The following UNC5A variants were observed in gnomAD, a reference collection of about 807,000 sequenced individuals.
UNC5A encodes the protein unc-5 netrin receptor A.
In UNC5A, 20 loss-of-function variants were observed where a neutral mutation model predicts 87.4. The ratio of observed to expected loss-of-function variants is 0.23; its 90% CI spans 0.16 to 0.33. The LOEUF (loss-of-function observed/expected upper bound fraction) is 0.33. Among genes scored for constraint, UNC5A ranks in the 10% least tolerant of loss-of-function variants. UNC5A has a pLI of 1.00. For synonymous variants in UNC5A, 438 were observed against 482.3 expected (o/e 0.91, Z 1.20); for missense variants, 844 against 1,133.4 (o/e 0.74, Z 3.67).
rs1756803263 is a variant in UNC5A, at chr5:176,824,406, G to A, written c.70+13586G>A. ...CCACAAACTTCCCGCTTTAACGCCC[G>A]TGTGAGTTGGGTTTCTGTGTCCTGC... On this transcript the variant is annotated intron_variant, in intron 1 of 14. Coordinates refer to ENST00000329542, the MANE Select transcript of UNC5A (RefSeq NM_133369.3). The surrounding 1 kb of genome is among the most constrained non-coding windows in gnomAD (Gnocchi z 4.2). Among the ~76,000 whole-genome samples, 5 of 152,076 alleles carry A rather than the reference G, an allele frequency of 3.3e-5. No individual in the cohort carries two copies. The highest frequency in any genetic ancestry group is 9.7e-5 in the African/African-American group (4 of 41,404).
At chr5:176,855,774 A>T (rs1204261948) in intron 1 of UNC5A, among the ~76,000 whole-genome samples, 1 of 152,160 alleles carries the variant, frequency 6.6e-6, no homozygotes, top group Non-Finnish European at 1.5e-5. Context: ...GCAAACCTCC[A>T]TGGGGAGGCT....
intron 1 of UNC5A, among the ~76,000 whole-genome samples, chr5:176,834,019 T>C (rs1324768317): frequency 2.0e-5 from 3 of 152,170 alleles, no homozygotes; most frequent in African/African-American, 7.2e-5. Flanking sequence ...ACACAGCCTC[T>C]TATTCTCTCA....
At chr5:176,833,963 C>T (rs1268776783) in intron 1 of UNC5A, among the ~76,000 whole-genome samples, 1 of 152,026 alleles carries the variant, frequency 6.6e-6, no homozygotes, top group Non-Finnish European at 1.5e-5. Context: ...CTCGGCCTCC[C>T]AAAGTGCTGG....
intron 1 of UNC5A, among the ~76,000 whole-genome samples, chr5:176,852,027 C>A (rs1193928182): frequency 1.3e-5 from 2 of 152,226 alleles, no homozygotes; most frequent in Non-Finnish European, 2.9e-5. Flanking sequence ...ACCCTACCCA[C>A]CTGCCTGCCT....
chr5:176,859,830 T>C (rs1757789750), intron 1 of UNC5A, among the ~76,000 whole-genome samples: 1 of 151,202 alleles, frequency 6.6e-6, no homozygotes, highest in African/African-American at 2.4e-5. Flanking sequence ...TGCTAGAATG[T>C]CCTTGCTAGA....
In UNC5A at chr5:176,824,538, G is replaced by A. The variant is rs1404718908; in HGVS notation, c.70+13718G>A. On this transcript the variant is annotated intron_variant, in intron 1 of 14. Coordinates refer to ENST00000329542, the MANE Select transcript of UNC5A (RefSeq NM_133369.3). This position sits in a 1 kb window ranked among gnomAD's most constrained non-coding sequence, Gnocchi z 4.2. ...AGCAGGCAGGGCATTTAGCCCCCACGCGGCAGATAGAACATTCTAAAAAAA... is the reference window on the plus strand; with the variant it reads ...AGCAGGCAGGGCATTTAGCCCCCACACGGCAGATAGAACATTCTAAAAAAA... Among the ~76,000 whole-genome samples, 3 of 151,714 alleles carry A rather than the reference G, an allele frequency of 2.0e-5. No homozygotes were observed. The highest frequency in any genetic ancestry group is 3.4e-3 in the Middle Eastern group (1 of 292).
In UNC5A at chr5:176,824,183, C is replaced by T. The variant is rs536707031; in HGVS notation, c.70+13363C>T. On this transcript the variant is annotated intron_variant, in intron 1 of 14. Transcript: ENST00000329542. The surrounding 1 kb of genome is among the most constrained non-coding windows in gnomAD (Gnocchi z 4.2). ...GTTGGAGGCAGCAATGATGCAGGTT[C>T]CGACACTGGCCCAGGACTATTTCCC... Among the ~76,000 whole-genome samples, 5 of 152,220 alleles carry T rather than the reference C, an allele frequency of 3.3e-5. 2 individuals are homozygous for T. The South Asian group carries it at 1.0e-3, about 31-fold the overall frequency.
intron 1 of UNC5A, among the ~76,000 whole-genome samples, chr5:176,847,744 G>A (rs958590759): frequency 3.9e-5 from 6 of 152,116 alleles, no homozygotes; most frequent in African/African-American, 1.4e-4. Context: ...AAATATTCAT[G>A]CAATTATTAG....
rs1757469408 is a variant in UNC5A at position 176,848,560 on chromosome 5, T to C, written c.71-14064T>C. ...GTAATTAAAACGGGGTGAGGGCTCA[T>C]TCCTGTCTCATCAGGGGTGTGATGG... On this transcript the variant is annotated intron_variant, in intron 1 of 14. Coordinates refer to ENST00000329542, the MANE Select transcript of UNC5A (RefSeq NM_133369.3). The surrounding 1 kb of genome is among the most constrained non-coding windows in gnomAD (Gnocchi z 5.8). Among the ~76,000 whole-genome samples, 1 of 152,200 alleles carries C rather than the reference T, an allele frequency of 6.6e-6. No individual in the cohort carries two copies. Among genetic ancestry groups the C allele is most frequent in the African/African-American group, 2.4e-5 (1 of 41,444 alleles).
chr5:176,846,533 C>T (rs1462889476), intron 1 of UNC5A, among the ~76,000 whole-genome samples: 4 of 152,162 alleles, frequency 2.6e-5, no homozygotes, highest in Admixed American at 2.6e-4. Context: ...ACATCTCCTC[C>T]AGGAAGCCCT....
intron 2 of UNC5A, among the ~76,000 whole-genome samples, chr5:176,864,371 C>T (rs904297600): frequency 1.3e-5 from 2 of 152,150 alleles, no homozygotes; most frequent in African/African-American, 2.4e-5. Flanking sequence ...GAGCGGGCTG[C>T]GGTCGCACTT....
At chr5:176,864,830 G>T in intron 2 of UNC5A, 1 of 456,098 alleles carries the variant, frequency 2.2e-6, no homozygotes, top group South Asian at 1.5e-5. Context: ...AGATAGAGAG[G>T]GTTGGCGGCC....
intron 1 of UNC5A, among the ~76,000 whole-genome samples, chr5:176,830,893 C>G (rs531578006): frequency 2.9e-5 from 1 of 34,040 alleles, no homozygotes; most frequent in East Asian, 1.3e-3. Context: ...GGTGTATGTG[C>G]TGGCGTGTGT....
rs1184277637 is a variant in UNC5A at position 176,878,592 on chromosome 5, G to A, written c.2137G>A (p.Val713Met). The A allele has an allele frequency of 6.2e-7, 1 of 1,612,878 alleles. No homozygotes were observed. The highest frequency in any genetic ancestry group is 1.7e-5 in the Admixed American group (1 of 60,020). The change falls in exon 13 of 15, where the codon GTG becomes ATG. Residue 713 changes from valine (V) to methionine (M), a missense_variant. Val to Met is a conservative substitution (Grantham distance 21). Coordinates refer to ENST00000329542, the MANE Select transcript of UNC5A (RefSeq NM_133369.3). ...DLACKLWVWQ[V>M]EGDGQSFSIN... ...GGCCTGCAAGCTGTGGGTGTGGCAG[G>A]TGGAGGGCGACGGGCAGAGCTTCAG...
At position 176,862,755 on chromosome 5, in the gene UNC5A, G is replaced by A. The variant is rs755629307; in HGVS notation, c.202G>A (p.Val68Met). The A allele has an allele frequency of 2.0e-5, 32 of 1,613,400 alleles. 1 individual carries two copies. Among genetic ancestry groups the A allele is most frequent in the South Asian group, 1.9e-4 (17 of 91,076 alleles). ...GCCAGTGCTGCTTGTGTGCAAGGCC[G>A]TGCCCGCCACGCAGATCTTCTTCAA... ...NKPVLLVCKA[V>M]PATQIFFKCN... Residue 68 changes from valine to methionine, a missense_variant, in exon 2 of 15, where the codon GTG becomes ATG. By Grantham distance (21) the Val-to-Met change is conservative. Coordinates refer to ENST00000329542, the MANE Select transcript of UNC5A (RefSeq NM_133369.3).
Position 176,824,772 on chromosome 5 carries a change from A to AC in UNC5A, c.70+13957dup, listed in dbSNP as rs1267770473. 1.6e-5 allele frequency among the ~76,000 whole-genome samples: 1 copy of AC among 61,302 alleles called. No homozygotes were observed. Among genetic ancestry groups the AC allele is most frequent in the African/African-American group, 6.6e-5 (1 of 15,086 alleles). The allele number at this position is 61,302 out of a possible 152,430, so 40.2% of individuals were successfully genotyped here. On this transcript the variant is annotated intron_variant, in intron 1 of 14. Transcript: ENST00000329542. This position sits in a 1 kb window ranked among gnomAD's most constrained non-coding sequence, Gnocchi z 4.2. ...TGCCTGTGCACTCCCTGCCCTGTGC[A>AC]CCCCCACCACCTGTGTGCCCCCTGC... is the stretch of plus-strand genomic sequence containing the variant.
intron 1 of UNC5A, among the ~76,000 whole-genome samples, chr5:176,823,947 G>A (rs1224652924): frequency 1.3e-5 from 2 of 152,110 alleles, no homozygotes; most frequent in Non-Finnish European, 1.5e-5. Context: ...CTCCTTTGGC[G>A]ACCTCCCGCC....
rs1757966511 is a variant in UNC5A at position 176,865,993 on chromosome 5, T to C, written c.293-2137T>C. On this transcript the variant is annotated intron_variant, in intron 2 of 14. Coordinates refer to ENST00000329542, the MANE Select transcript of UNC5A (RefSeq NM_133369.3). The surrounding 1 kb of genome is among the most constrained non-coding windows in gnomAD (Gnocchi z 5.3). ...TTGTGTTAAACAAACTGATTGGTTA[T>C]TAGATTGTTTAGAAGCAGATTGCTG... is the stretch of plus-strand genomic sequence containing the variant. 6.6e-6 allele frequency among the ~76,000 whole-genome samples: 1 copy of C among 152,190 alleles called. No homozygotes were observed. The highest frequency in any genetic ancestry group is 2.4e-5 in the African/African-American group (1 of 41,438).
chr5:176,854,519 G>A (rs1227822114), intron 1 of UNC5A, among the ~76,000 whole-genome samples: 13 of 152,130 alleles, frequency 8.5e-5, no homozygotes, highest in Admixed American at 7.9e-4. Flanking sequence ...GCCCCCTGCC[G>A]CTGTGCCCCC....
Sources: gnomAD v4.1 joint callset for allele counts (sites outside exome capture counted in the v4.1 genomes callset) on GRCh38, gnomAD v4.1.1 for gene constraint, Gnocchi (gnomAD v3.1) non-coding constraint, MANE v1.5 for transcripts, NCBI Gene and HGNC (gene_info 2026-07-23, HGNC 2026-07-21) for gene names.